The following GLIS3 variants were observed in gnomAD, a reference collection of about 807,000 sequenced individuals.
The protein encoded by GLIS3 is GLIS family zinc finger 3, also known as zinc finger protein GLIS3.
GLIS3 carries 53 observed loss-of-function variants against 78.6 expected under a neutral mutation model. The ratio of observed to expected loss-of-function variants is 0.67; its 90% CI spans 0.54 to 0.85. The LOEUF is 0.85. Ranked by LOEUF, GLIS3 falls within the 40% of genes least tolerant of loss-of-function variation. The pLI, the probability that GLIS3 is intolerant of heterozygous loss-of-function variation, is 0.00. For synonymous variants in GLIS3, 684 were observed against 509.9 expected (o/e 1.34, Z -4.60); for missense variants, 1,703 against 1,231.1 (o/e 1.38, Z -5.74).
At chr9:3,832,817 T>C (rs1341193638) in intron 9 of GLIS3, among the ~76,000 whole-genome samples, 2 of 152,182 alleles carry the variant, frequency 1.3e-5, no homozygotes, top group African/African-American at 4.8e-5. Flanking sequence ...CTCAGCGTAA[T>C]ATCAACCTTC....
At chr9:4,196,991 G>A (rs1818918935) in intron 2 of GLIS3, among the ~76,000 whole-genome samples, 1 of 152,166 alleles carries the variant, frequency 6.6e-6, no homozygotes, top group Non-Finnish European at 1.5e-5. Context: ...TGGACCAGCA[G>A]CCTAAGCCAC....
At chr9:4,092,387 C>T (rs372961277) in intron 4 of GLIS3, among the ~76,000 whole-genome samples, 18 of 152,072 alleles carry the variant, frequency 1.2e-4, no homozygotes, top group East Asian at 5.8e-4. Flanking sequence ...CTCCTGAGCT[C>T]GTGATCCGCC....
intron 2 of GLIS3, among the ~76,000 whole-genome samples, chr9:4,331,185 G>A (rs1242305881): frequency 6.6e-6 from 1 of 152,188 alleles, no homozygotes; most frequent in Non-Finnish European, 1.5e-5. Context: ...CTCTAGAGAT[G>A]AATCCTTTGT....
intron 4 of GLIS3, among the ~76,000 whole-genome samples, chr9:4,044,745 G>A (rs1053610902): frequency 6.6e-6 from 1 of 152,178 alleles, no homozygotes; most frequent in Non-Finnish European, 1.5e-5. Context: ...ACACTAGCAT[G>A]CTTTCTCATA....
intron 1 of GLIS3, among the ~76,000 whole-genome samples, chr9:4,291,595 GAAAGGAGAGAA>G (rs1409217734): frequency 1.3e-5 from 2 of 151,994 alleles, no homozygotes; most frequent in South Asian, 2.1e-4. Flanking sequence ...ACAGAAGAAA[GAAAGGAGAGAA>G]AAGGGAGAGG....
chr9:4,340,097 G>A (rs1424683532), intron 2 of GLIS3, among the ~76,000 whole-genome samples: 3 of 151,686 alleles, frequency 2.0e-5, no homozygotes, highest in African/African-American at 4.9e-5. Context: ...GGCTTAGCAT[G>A]AGGTTGATAT....
chr9:4,438,471 G>C, the GLIS3 span, among the ~76,000 whole-genome samples: 3 of 152,166 alleles, frequency 2.0e-5, no homozygotes, highest in South Asian at 2.1e-4. Flanking sequence ...ACAAGTCAAA[G>C]GGATGATGAG....
chr9:4,118,221 G>C lies in GLIS3; in HGVS notation c.1257C>G (p.Gly419=). The part of the protein sequence containing the change: ...NHMVVQHGLP[G]PDSQSAGLFK... Reference sequence around the variant, plus strand: ...ACAGGCCGGCCGACTGGCTGTCGGGGCCCGGCAGGCCATGCTGCACCACCA... The same window carrying C: ...ACAGGCCGGCCGACTGGCTGTCGGGCCCCGGCAGGCCATGCTGCACCACCA... Residue 419 remains glycine, a synonymous_variant, in exon 4 of 11, where the codon GGC becomes GGG. Coordinates refer to ENST00000381971, the MANE Select transcript of GLIS3 (RefSeq NM_001042413.2). This position sits in a 1 kb window ranked among gnomAD's most constrained non-coding sequence, Gnocchi z 4.7. 1 of 1,584,656 alleles carries C rather than the reference G, an allele frequency of 6.3e-7. No homozygotes were observed. The highest frequency in any genetic ancestry group is 1.3e-5 in the African/African-American group (1 of 74,616).
the GLIS3 span, among the ~76,000 whole-genome samples, chr9:4,473,138 G>A: frequency 6.6e-6 from 1 of 152,026 alleles, no homozygotes; most frequent in Non-Finnish European, 1.5e-5. Flanking sequence ...ATTCACAATA[G>A]CCAAGACATG....
chr9:4,334,771 C>A (rs1267585026), intron 2 of GLIS3, among the ~76,000 whole-genome samples: 1 of 152,194 alleles, frequency 6.6e-6, no homozygotes, highest in Non-Finnish European at 1.5e-5. Context: ...CCACTTACAG[C>A]GAACCTGGGG....
intron 6 of GLIS3, among the ~76,000 whole-genome samples, chr9:3,917,022 AC>A (rs1274011906): frequency 6.6e-6 from 1 of 152,220 alleles, no homozygotes; most frequent in Non-Finnish European, 1.5e-5. Context: ...TCCTTAGCTT[AC>A]AAACCAGTGT....
chr9:4,389,192 C>A, the GLIS3 span, among the ~76,000 whole-genome samples: 2 of 152,186 alleles, frequency 1.3e-5, no homozygotes, highest in Non-Finnish European at 2.9e-5. Flanking sequence ...AAGAGCAATT[C>A]AGTAACTTGT....
intron 9 of GLIS3, among the ~76,000 whole-genome samples, chr9:3,837,627 A>T (rs1818434361): frequency 6.6e-6 from 1 of 152,200 alleles, no homozygotes; most frequent in South Asian, 2.1e-4. Context: ...AAAGACACGG[A>T]GGGAATTTCA....
chr9:4,139,693 A>T (rs751498963), intron 2 of GLIS3, among the ~76,000 whole-genome samples: 1 of 152,218 alleles, frequency 6.6e-6, no homozygotes, highest in Non-Finnish European at 1.5e-5. Context: ...GGTGGGGTTC[A>T]GGATGAAACT....
chr9:4,398,092 A>AT, the GLIS3 span, among the ~76,000 whole-genome samples: 1 of 152,030 alleles, frequency 6.6e-6, no homozygotes, highest in Non-Finnish European at 1.5e-5. Flanking sequence ...TTCAGTTACT[A>AT]TTTCAATGCA....
At chr9:4,204,674 T>C (rs760830363) in intron 2 of GLIS3, among the ~76,000 whole-genome samples, 1 of 152,002 alleles carries the variant, frequency 6.6e-6, no homozygotes, top group Non-Finnish European at 1.5e-5. Context: ...TCCTAGCACT[T>C]TGGGAGGCCG....
intron 2 of GLIS3, among the ~76,000 whole-genome samples, chr9:4,187,816 A>G (rs576526344): frequency 6.6e-6 from 1 of 152,096 alleles, no homozygotes; most frequent in African/African-American, 2.4e-5. Context: ...TTGGTGTATA[A>G]GAATGCTTGT....
intron 2 of GLIS3, among the ~76,000 whole-genome samples, chr9:4,240,068 T>G (rs1823145838): frequency 6.6e-6 from 1 of 152,158 alleles, no homozygotes; most frequent in Non-Finnish European, 1.5e-5. Flanking sequence ...AATTATAGTA[T>G]GTAAGTAGTG....
chr9:3,970,256 T>C (rs1818280353), intron 4 of GLIS3, among the ~76,000 whole-genome samples: 1 of 152,188 alleles, frequency 6.6e-6, no homozygotes, highest in Admixed American at 6.5e-5. Context: ...TCACTGATGC[T>C]AGTAAAGGGA....
Sources: gnomAD v4.1 joint callset for allele counts (sites outside exome capture counted in the v4.1 genomes callset) on GRCh38, gnomAD v4.1.1 for gene constraint, Gnocchi (gnomAD v3.1) non-coding constraint, MANE v1.5 for transcripts, NCBI Gene and HGNC (gene_info 2026-07-23, HGNC 2026-07-21) for gene names.